PNPLA7: variants seen among roughly 807,000 people sequenced by gnomAD.
PNPLA7 encodes the protein patatin like domain 7, lysophospholipase.
Under a neutral mutation model 161.7 loss-of-function variants are expected in PNPLA7, and 153 were observed. The observed-to-expected ratio is 0.95, with a 90% CI of 0.83 to 1.08. The LOEUF (loss-of-function observed/expected upper bound fraction) is 1.08, where lower values mean the gene tolerates loss of function less well. PNPLA7 is among the 50% of genes least tolerant of loss of function. The pLI is 0.00. For synonymous variants in PNPLA7, 809 were observed against 782.1 expected (o/e 1.03, Z -0.57); for missense variants, 1,739 against 1,856.6 (o/e 0.94, Z 1.16).
Position 137,541,864 on chromosome 9 carries a change from C to T in PNPLA7, c.666+778G>A, listed in dbSNP as rs990668371. ...TGGCGTGAACACAGCTCACTATAGC[C>T]GCAACCTCCCAGACTCAAGCGATCC... On this transcript the variant is annotated intron_variant, in intron 7 of 34. Transcript: ENST00000406427. The surrounding 1 kb of genome is among the most constrained non-coding windows in gnomAD (Gnocchi z 4.4). Among the ~76,000 whole-genome samples the T allele has an allele frequency of 5.9e-5, 9 of 152,036 alleles. No homozygotes were observed. The highest frequency in any genetic ancestry group is 2.2e-4 in the African/African-American group (9 of 41,372).
chr9:137,485,909 G>A (rs1001810258), intron 20 of PNPLA7, among the ~76,000 whole-genome samples: 3 of 152,186 alleles, frequency 2.0e-5, no homozygotes, highest in Admixed American at 1.3e-4. Flanking sequence ...AGGGTCCCAG[G>A]CCCTCTTTAC....
Position 137,519,918 on chromosome 9 carries a change from T to A in PNPLA7, c.1083A>T (p.Ser361=). 4 of 1,611,996 alleles carry A rather than the reference T, an allele frequency of 2.5e-6. No individual in the cohort carries two copies. Among genetic ancestry groups the A allele is most frequent in the Non-Finnish European group, 3.4e-6 (4 of 1,179,556 alleles). ...KPPRLQESCD[S]DHGGGRPAAA... ...GCCCTCCTTGGTGCAGGACAGTACC[T>A]GAGTCACAGGACTCCTGGAGCCGCG... Residue 361 remains serine (S), a splice_region_variant and synonymous_variant, in exon 11 of 35, where the codon TCA becomes TCT. Transcript: ENST00000406427.
chr9:137,501,498 G>A, intron 15 of PNPLA7, 152 bp downstream of exon 15: 2 of 743,596 alleles, frequency 2.7e-6, no homozygotes, highest in Non-Finnish European at 4.4e-6. Flanking sequence ...CCTGAGGGGA[G>A]GGGCTCTGCC....
intron 4 of PNPLA7, among the ~76,000 whole-genome samples, chr9:137,545,861 C>A (rs552732691): frequency 6.6e-6 from 1 of 152,128 alleles, no homozygotes; most frequent in Non-Finnish European, 1.5e-5. Flanking sequence ...TGTTGCCAAG[C>A]GGACCGTGAT....
chr9:137,464,116 G>T lies in PNPLA7; in HGVS notation c.3226+10C>A. The T allele has an allele frequency of 6.2e-7, 1 of 1,613,010 alleles. No individual in the cohort carries two copies. Among genetic ancestry groups the T allele is most frequent in the South Asian group, 1.1e-5 (1 of 90,990 alleles). On this transcript the variant is annotated intron_variant, in intron 28 of 34. Transcript: ENST00000406427. The stretch of plus-strand genomic sequence containing the variant: ...CCCAAGCGGCCGCCCTGCGCAGCAG[G>T]AGTGCTCACCGTCGGTGTGGACCCG...
At chr9:137,517,712 C>T (rs1191331393) in intron 11 of PNPLA7, among the ~76,000 whole-genome samples, 1 of 85,298 alleles carries the variant, frequency 1.2e-5, no homozygotes, top group South Asian at 5.1e-4. Flanking sequence ...ACTCCATCCC[C>T]CACTCACTCA....
intron 23 of PNPLA7, 136 bp from the exon 24 acceptor site, chr9:137,479,374 G>A (rs1832095231): frequency 7.4e-7 from 1 of 1,353,936 alleles, no homozygotes; most frequent in Non-Finnish European, 9.5e-7. Flanking sequence ...CAACTTGGCT[G>A]TGGCCTGGTC....
chr9:137,479,450 A>C (rs1588560529), intron 23 of PNPLA7: 1 of 1,255,842 alleles, frequency 8.0e-7, no homozygotes, highest in Non-Finnish European at 1.0e-6. Flanking sequence ...GGGCAAGGTC[A>C]GTACGGCAGG....
chr9:137,528,534 G>A (rs573691022), intron 8 of PNPLA7, among the ~76,000 whole-genome samples: 30 of 152,138 alleles, frequency 2.0e-4, no homozygotes, highest in African/African-American at 7.2e-4. Context: ...CACCCGCCTC[G>A]GCCTCCCAAA....
At chr9:137,546,987 C>T in intron 3 of PNPLA7, 78 bp from the exon 4 acceptor site, 1 of 1,362,434 alleles carries the variant, frequency 7.3e-7, no homozygotes, top group South Asian at 1.2e-5. Context: ...GCAGCACAGT[C>T]AGTCATACTC....
intron 11 of PNPLA7, among the ~76,000 whole-genome samples, chr9:137,516,181 G>T (rs1834559130): frequency 7.6e-6 from 1 of 131,676 alleles, no homozygotes; most frequent in South Asian, 2.6e-4. Flanking sequence ...TGGGCCAAGT[G>T]CCTTGAAGGC....
chr9:137,514,169 C>A (rs1250243244), intron 12 of PNPLA7, among the ~76,000 whole-genome samples: 9 of 137,796 alleles, frequency 6.5e-5, no homozygotes, highest in East Asian at 2.3e-4. Flanking sequence ...TGTCACCCGG[C>A]TGTTGAGGTG....
chr9:137,535,086 CT>C (rs1159352557), intron 8 of PNPLA7, among the ~76,000 whole-genome samples: 2 of 152,248 alleles, frequency 1.3e-5, no homozygotes, highest in Non-Finnish European at 2.9e-5. Context: ...ACACTCTGGC[CT>C]TTTACAGAGA....
Position 137,464,376 on chromosome 9 carries a change from G to A in PNPLA7, c.3120C>T (p.Ser1040=). 6.2e-7 allele frequency: 1 copy of A among 1,613,986 alleles called. No individual in the cohort carries two copies. Among genetic ancestry groups the A allele is most frequent in the Non-Finnish European group, 8.5e-7 (1 of 1,180,010 alleles). ...TSMFSGAGFN[S]SIFSVFKDQQ... ...GGTCCTTGAAGACGCTGAAGATGCT[G>A]CTGTTGAAGCCGGCTCCGGAGAACA... Residue 1040 remains serine (S), a synonymous_variant, in exon 27 of 35, where the codon AGC becomes AGT. Transcript: ENST00000406427.
intron 9 of PNPLA7, 69 bp downstream of exon 9, chr9:137,522,660 A>C: frequency 6.3e-7 from 1 of 1,575,266 alleles, no homozygotes; most frequent in Admixed American, 1.7e-5. Context: ...CTCAAATCCC[A>C]AACCAGTGCC....
rs1226168892 is a variant in PNPLA7, at chr9:137,462,848, GCCCTGGTTA to G, written c.3344-24_3344-16del. 1 of 1,613,274 alleles carries G rather than the reference GCCCTGGTTA, an allele frequency of 6.2e-7. No individual in the cohort carries two copies. The highest frequency in any genetic ancestry group is 1.3e-5 in the African/African-American group (1 of 75,030). On this transcript the variant is annotated splice_polypyrimidine_tract_variant and intron_variant, in intron 29 of 34. Transcript: ENST00000406427. The stretch of plus-strand genomic sequence containing the variant: ...GGCCACATCCGCTAGGGAGAAGCCA[GCCCTGGTTA>G]CCCCCTGGACAGGCATGCAGAGCCA...
In PNPLA7 at chr9:137,475,010, C is replaced by CAAAAAA. The variant is rs58417100; in HGVS notation, c.2882+3018_2882+3023dup. Among the ~76,000 whole-genome samples, 59 of 63,600 alleles carry CAAAAAA rather than the reference C, an allele frequency of 9.3e-4. 2 individuals are homozygous for CAAAAAA. The highest frequency in any genetic ancestry group is 3.5e-3 in the African/African-American group (51 of 14,634). The allele number at this position is 63,600 out of a possible 152,430, so 41.7% of individuals were successfully genotyped here. A position where few individuals can be genotyped will look rare whatever the true frequency, so the allele number is the denominator to read the frequency against. ...ACTGCGACAGAACAAGACTCTGCCT[C>CAAAAAA]AAAAAAAAAAAAAAAAAAAAAAGAA... On this transcript the variant is annotated intron_variant, in intron 25 of 34. Transcript: ENST00000406427.
rs369006114 is a variant in PNPLA7 at position 137,462,071 on chromosome 9, G to A, written c.3646-30C>T. On this transcript the variant is annotated intron_variant, in intron 31 of 34. Coordinates refer to ENST00000406427, the MANE Select transcript of PNPLA7 (RefSeq NM_001098537.3). Reference sequence around the variant, plus strand: ...GCACACCCCCAGGGCCCCGTCAGGAGGTGTGGGGAGCCCCCCACTTCCTGT... The same window carrying A: ...GCACACCCCCAGGGCCCCGTCAGGAAGTGTGGGGAGCCCCCCACTTCCTGT... The A allele has an allele frequency of 5.6e-5, 87 of 1,541,436 alleles. No individual in the cohort carries two copies. The Middle Eastern group carries it at 1.7e-3, about 30-fold the overall frequency.
rs1453548020 is a variant in PNPLA7 at position 137,464,435 on chromosome 9, C to T, written c.3061G>A (p.Ala1021Thr). Residue 1021 changes from alanine to threonine, a missense_variant, in exon 27 of 35, where the codon GCC becomes ACC. Ala to Thr is a moderately conservative substitution (Grantham distance 58). Transcript: ENST00000406427. ...ATGGGGTAGGTGAGGTCCAGCGCGG[C>T]CTTCATCAAGGACGTCATGCCCTGG... ...WAEGMTSLMK[A>T]ALDLTYPITS... is the part of the protein sequence containing the mutation. 6 of 1,613,792 alleles carry T rather than the reference C, an allele frequency of 3.7e-6. No individual in the cohort carries two copies. Among genetic ancestry groups the T allele is most frequent in the Non-Finnish European group, 5.1e-6 (6 of 1,179,992 alleles).
Sources: allele counts gnomAD v4.1 joint callset (sites outside exome capture counted in the v4.1 genomes callset), GRCh38; gene constraint gnomAD v4.1.1; non-coding constraint Gnocchi (gnomAD v3.1); transcripts MANE v1.5; gene names NCBI Gene and HGNC (gene_info 2026-07-23, HGNC 2026-07-21).